The following ARHGAP42 variants were observed in gnomAD, a reference collection of about 807,000 sequenced individuals.
The protein encoded by ARHGAP42 is Rho GTPase activating protein 42.
Under a neutral mutation model 125.0 loss-of-function variants are expected in ARHGAP42, and 63 were observed. That is an observed-to-expected ratio of 0.50 (90% CI 0.41 to 0.62). ARHGAP42 has a LOEUF of 0.62. Ranked by LOEUF, ARHGAP42 falls within the 20% of genes least tolerant of loss-of-function variation. The probability of loss-of-function intolerance (pLI) is 0.00; values close to 1 mark genes in which losing one functional copy is unlikely to be tolerated. For missense variants in ARHGAP42, 766 were observed against 1,024.2 expected, an observed-to-expected ratio of 0.75 and a Z score of 3.44; for synonymous variants, 339 against 351.0, an observed-to-expected ratio of 0.97 and a Z score of 0.38.
chr11:100,826,134 A>T (rs1864511130), intron 3 of ARHGAP42, among the ~76,000 whole-genome samples: 1 of 151,478 alleles, frequency 6.6e-6, no homozygotes, highest in African/African-American at 2.4e-5. Context: ...TGAAAGTGTT[A>T]TATTGAAGGA....
At chr11:100,794,338 C>G (rs1309134794) in intron 2 of ARHGAP42, among the ~76,000 whole-genome samples, 6 of 152,094 alleles carry the variant, frequency 3.9e-5, no homozygotes, top group African/African-American at 1.4e-4. Context: ...AGTACTTGAT[C>G]TTTCCCATTT....
chr11:100,730,093 A>C (rs1430715573), intron 1 of ARHGAP42, among the ~76,000 whole-genome samples: 1 of 152,116 alleles, frequency 6.6e-6, no homozygotes, highest in Non-Finnish European at 1.5e-5. Context: ...TATAGGCATG[A>C]GCCACTGTGC....
rs569306751 is a variant in ARHGAP42 at position 100,789,585 on chromosome 11, T to C, written c.251-5520T>C. Among the ~76,000 whole-genome samples the C allele has an allele frequency of 1.2e-4, 19 of 152,290 alleles. No individual in the cohort carries two copies. The South Asian group carries it at 3.3e-3, about 27-fold the overall frequency. ...GGGTAATTATACCTTTTACAGACAGTAGTGGCTCCAAACCAAGCATGTGCT... is the reference window on the plus strand; with the variant it reads ...GGGTAATTATACCTTTTACAGACAGCAGTGGCTCCAAACCAAGCATGTGCT... On this transcript the variant is annotated intron_variant, in intron 2 of 23. Coordinates refer to ENST00000298815, the MANE Select transcript of ARHGAP42 (RefSeq NM_152432.4).
At chr11:100,749,869 G>T (rs1213702397) in intron 1 of ARHGAP42, among the ~76,000 whole-genome samples, 3 of 152,156 alleles carry the variant, frequency 2.0e-5, no homozygotes, top group Non-Finnish European at 2.9e-5. Context: ...TACTTTACCG[G>T]CTCCCGCAGC....
intron 3 of ARHGAP42, among the ~76,000 whole-genome samples, chr11:100,850,744 C>T (rs530140521): frequency 6.6e-6 from 1 of 152,030 alleles, no homozygotes; most frequent in Non-Finnish European, 1.5e-5. Context: ...CTTCTTTATA[C>T]TTAAACTTAA....
intron 4 of ARHGAP42, among the ~76,000 whole-genome samples, chr11:100,904,131 G>T (rs1041324878): frequency 2.0e-5 from 3 of 151,970 alleles, no homozygotes; most frequent in African/African-American, 7.3e-5. Flanking sequence ...TTGACTCTCA[G>T]TATTAACCAT....
At chr11:100,951,796 T>C (rs1857656633) in intron 12 of ARHGAP42, among the ~76,000 whole-genome samples, 1 of 152,122 alleles carries the variant, frequency 6.6e-6, no homozygotes, top group Non-Finnish European at 1.5e-5. Flanking sequence ...TTCAGAAAAA[T>C]AGCAGTGCTA....
intron 3 of ARHGAP42, among the ~76,000 whole-genome samples, chr11:100,852,746 A>G (rs1865233964): frequency 6.6e-6 from 1 of 152,198 alleles, no homozygotes; most frequent in Non-Finnish European, 1.5e-5. Flanking sequence ...TAAATGGGGC[A>G]ACTGTGTTAC....
intron 1 of ARHGAP42, among the ~76,000 whole-genome samples, chr11:100,716,803 TTTAAA>T (rs1325626276): frequency 6.6e-6 from 1 of 152,178 alleles, no homozygotes; most frequent in African/African-American, 2.4e-5. Context: ...TCTGACCCCC[TTTAAA>T]TTAAAAACTA....
intron 1 of ARHGAP42, among the ~76,000 whole-genome samples, chr11:100,740,766 G>C (rs1382513735): frequency 2.0e-5 from 3 of 152,132 alleles, no homozygotes; most frequent in Non-Finnish European, 2.9e-5. Context: ...TGCTGCTCCA[G>C]GGAAGATTCA....
At chr11:100,861,246 T>C (rs181587132) in intron 4 of ARHGAP42, among the ~76,000 whole-genome samples, 37 of 151,984 alleles carry the variant, frequency 2.4e-4, no homozygotes, top group African/African-American at 8.9e-4. Flanking sequence ...TGAATGAAGG[T>C]TTTCTTGGTC....
chr11:100,936,378 G>A (rs762801797), intron 8 of ARHGAP42, 46 bp downstream of exon 8: 28 of 1,549,022 alleles, frequency 1.8e-5, no homozygotes, highest in African/African-American at 5.5e-5. Flanking sequence ...ACTTAGCCAC[G>A]ATCATGAGAT....
intron 4 of ARHGAP42, among the ~76,000 whole-genome samples, chr11:100,882,976 T>A (rs1865996654): frequency 6.6e-6 from 1 of 152,212 alleles, no homozygotes; most frequent in African/African-American, 2.4e-5. Flanking sequence ...TAATTGACCT[T>A]ATTTGGATTT....
chr11:100,762,083 A>T (rs1862714147), intron 1 of ARHGAP42, among the ~76,000 whole-genome samples: 1 of 152,174 alleles, frequency 6.6e-6, no homozygotes, highest in Admixed American at 6.5e-5. Flanking sequence ...TTCTTTCCGG[A>T]TCTGAGCACC....
At chr11:100,963,169 C>G (rs1858003828) in intron 16 of ARHGAP42, among the ~76,000 whole-genome samples, 1 of 152,198 alleles carries the variant, frequency 6.6e-6, no homozygotes, top group African/African-American at 2.4e-5. Context: ...GGAGATGAGT[C>G]AAATATTTTT....
intron 1 of ARHGAP42, among the ~76,000 whole-genome samples, chr11:100,732,379 A>C (rs1861975976): frequency 6.6e-6 from 1 of 152,176 alleles, no homozygotes; most frequent in East Asian, 1.9e-4. Context: ...ATGATGATTG[A>C]ATAGTTTTTG....
At chr11:100,906,117 G>A (rs1010022446) in intron 4 of ARHGAP42, among the ~76,000 whole-genome samples, 4 of 152,144 alleles carry the variant, frequency 2.6e-5, no homozygotes, top group African/African-American at 9.7e-5. Context: ...GATTTTGGGA[G>A]TTCCCTGTGA....
intron 3 of ARHGAP42, among the ~76,000 whole-genome samples, chr11:100,805,942 C>T (rs1422662826): frequency 1.3e-5 from 2 of 152,124 alleles, no homozygotes; most frequent in East Asian, 3.8e-4. Context: ...GTCTTTATGA[C>T]CAGCATCTTG....
chr11:100,977,175 A>G (rs1411840188), intron 21 of ARHGAP42, among the ~76,000 whole-genome samples: 1 of 152,220 alleles, frequency 6.6e-6, no homozygotes, highest in Non-Finnish European at 1.5e-5. Flanking sequence ...TCTCTCTCAC[A>G]GGGCAGCACT....
Sources: gnomAD v4.1 joint callset for allele counts (sites outside exome capture counted in the v4.1 genomes callset) on GRCh38, gnomAD v4.1.1 for gene constraint, MANE v1.5 for transcripts, NCBI Gene and HGNC (gene_info 2026-07-23, HGNC 2026-07-21) for gene names.